The following NAV3 variants were observed in gnomAD, a reference collection of about 807,000 sequenced individuals.
NAV3 encodes the protein neuron navigator 3, also known as pore membrane and/or filament interacting like protein 1.
NAV3 carries 87 observed loss-of-function variants against 244.7 expected under a neutral mutation model. The observed-to-expected ratio is 0.36, with a 90% confidence interval of 0.30 to 0.42. The LOEUF (loss-of-function observed/expected upper bound fraction) is 0.42, where lower values mean the gene tolerates loss of function less well. Among genes scored for constraint, NAV3 ranks in the 20% least tolerant of loss-of-function variants. The pLI, the probability that NAV3 is intolerant of heterozygous loss-of-function variation, is 1.00. For synonymous variants in NAV3, 1,126 were observed against 1,042.2 expected (o/e 1.08, Z -1.55); for missense variants, 2,663 against 2,893.3 (o/e 0.92, Z 1.83).
chr12:77,919,702 T>C (rs1887517699), intron 1 of NAV3, among the ~76,000 whole-genome samples: 2 of 152,058 alleles, frequency 1.3e-5, no homozygotes, highest in African/African-American at 4.8e-5. Context: ...CAAACATCTG[T>C]TTCCTTATGA....
Position 78,058,988 on chromosome 12 carries a change from C to A in NAV3, c.2517-8C>A. ...TTTTCTGTGAATTAATTAGACATTTCTTTTCAGGTACATGACAGATGGAGG... is the reference window on the plus strand; with the variant it reads ...TTTTCTGTGAATTAATTAGACATTTATTTTCAGGTACATGACAGATGGAGG... On this transcript the variant is annotated splice_region_variant and splice_polypyrimidine_tract_variant and intron_variant, in intron 11 of 39. Transcript: ENST00000397909. 6.3e-7 allele frequency: 1 copy of A among 1,586,212 alleles called. No individual in the cohort carries two copies. Among genetic ancestry groups the A allele is most frequent in the Non-Finnish European group, 8.6e-7 (1 of 1,168,852 alleles).
At chr12:77,967,487 TTGAGTTA>T (rs1223365885) in intron 4 of NAV3, among the ~76,000 whole-genome samples, 1 of 152,126 alleles carries the variant, frequency 6.6e-6, no homozygotes, top group Non-Finnish European at 1.5e-5. Context: ...ACTGCATAGT[TTGAGTTA>T]TATGATAAAC....
intron 2 of NAV3, among the ~76,000 whole-genome samples, chr12:77,743,437 T>G (rs1225942653): frequency 6.6e-6 from 1 of 151,802 alleles, no homozygotes; most frequent in African/African-American, 2.4e-5. Flanking sequence ...CACAGCCAAT[T>G]TACTCCTTGG....
intron 11 of NAV3, among the ~76,000 whole-genome samples, chr12:78,054,741 C>T (rs1008186730): frequency 6.6e-6 from 1 of 151,972 alleles, no homozygotes; most frequent in Non-Finnish European, 1.5e-5. Flanking sequence ...ATTAAGATAC[C>T]TACATCATAA....
intron 2 of NAV3, among the ~76,000 whole-genome samples, chr12:77,716,238 T>A (rs990655597): frequency 1.3e-5 from 2 of 151,916 alleles, no homozygotes; most frequent in Non-Finnish European, 2.9e-5. Flanking sequence ...AGTTTTGGAC[T>A]TCAAGAAATC....
intron 12 of NAV3, among the ~76,000 whole-genome samples, chr12:78,099,897 C>T (rs571238547): frequency 7.2e-5 from 11 of 151,910 alleles, no homozygotes; most frequent in Admixed American, 1.3e-4. Flanking sequence ...TCACTTATTA[C>T]GTTTAACTAA....
intron 12 of NAV3, among the ~76,000 whole-genome samples, chr12:78,108,756 CAAAT>C (rs1954936547): frequency 6.6e-6 from 1 of 151,898 alleles, no homozygotes; most frequent in Admixed American, 6.6e-5. Flanking sequence ...ATTCTTGTAA[CAAAT>C]AAAGATTGAA....
At chr12:77,764,659 T>A (rs1444251586) in intron 2 of NAV3, among the ~76,000 whole-genome samples, 1 of 152,272 alleles carries the variant, frequency 6.6e-6, no homozygotes, top group Non-Finnish European at 1.5e-5. Context: ...ACAGTGTTTT[T>A]AAAGCCAATA....
rs192047967 is a variant in NAV3 at position 78,092,802 on chromosome 12, G to A, written c.2637-23970G>A. On this transcript the variant is annotated intron_variant, in intron 12 of 39. Transcript: ENST00000397909. ...GGCGTGAGCCACCGCGCCCGGCCGT[G>A]TTAATTATTTTCTAAAGTGTTTCAT... Among the ~76,000 whole-genome samples the A allele has an allele frequency of 1.6e-3, 245 of 151,764 alleles. 1 individual carries two copies. Among genetic ancestry groups the A allele is most frequent in the African/African-American group, 5.6e-3 (231 of 41,430 alleles).
chr12:77,689,704 G>A (rs1222012515), intron 2 of NAV3, among the ~76,000 whole-genome samples: 1 of 151,772 alleles, frequency 6.6e-6, no homozygotes, highest in Non-Finnish European at 1.5e-5. Context: ...TATCATAAAG[G>A]TGACATCATC....
rs546488695 is a variant in NAV3 at position 77,729,514 on chromosome 12, T to C, written c.72+157248T>C. ...TGGGAAAAGGAGGAAAAAAGTAAGG[T>C]CTATGACATTTGGAAAGTGAAATGT... is the stretch of plus-strand genomic sequence containing the variant. On this transcript the variant is annotated intron_variant, in intron 2 of 8. Coordinates refer to the NAV3 transcript ENST00000550042. 2.6e-5 allele frequency among the ~76,000 whole-genome samples: 4 copies of C among 152,018 alleles called. No homozygotes were observed. In the East Asian group the frequency reaches 7.7e-4, roughly 29 times the overall value.
At chr12:77,716,683 T>C (rs1227617820) in intron 2 of NAV3, among the ~76,000 whole-genome samples, 1 of 152,046 alleles carries the variant, frequency 6.6e-6, no homozygotes, top group Non-Finnish European at 1.5e-5. Context: ...TTCCCAATTA[T>C]TCTCTTGGAT....
intron 2 of NAV3, among the ~76,000 whole-genome samples, chr12:77,576,556 T>C (rs1869094835): frequency 6.6e-6 from 1 of 152,120 alleles, no homozygotes. Flanking sequence ...CTAGTTCTTA[T>C]TTTGCTATTT....
intron 39 of NAV3, among the ~76,000 whole-genome samples, chr12:78,209,463 T>C (rs300448): frequency 0.62 from 93,521 of 151,864 alleles, 29,524 homozygotes; most frequent in East Asian, 0.84. Flanking sequence ...CCACTACCCT[T>C]GTAAAGACAT....
At chr12:77,918,651 T>C (rs1309443824) in intron 1 of NAV3, among the ~76,000 whole-genome samples, 3 of 151,986 alleles carry the variant, frequency 2.0e-5, no homozygotes, top group Admixed American at 6.6e-5. Context: ...TGGGGGGTGA[T>C]ATGGCTCTCA....
At chr12:78,070,247 G>A (rs1430230976) in intron 12 of NAV3, among the ~76,000 whole-genome samples, 2 of 151,864 alleles carry the variant, frequency 1.3e-5, no homozygotes, top group Non-Finnish European at 2.9e-5. Flanking sequence ...CTTCACATGT[G>A]CGAATTAATT....
intron 2 of NAV3, among the ~76,000 whole-genome samples, chr12:77,588,022 C>A (rs1355190763): frequency 6.6e-6 from 1 of 152,182 alleles, no homozygotes; most frequent in African/African-American, 2.4e-5. Context: ...TAACATCTTA[C>A]AATTTCCATA....
chr12:77,691,342 TATATATATATATAC>T (rs1875015083), intron 2 of NAV3, among the ~76,000 whole-genome samples: 1 of 133,378 alleles, frequency 7.5e-6, no homozygotes, highest in Non-Finnish European at 1.6e-5. Context: ...TGTGTGTATA[TATATATATATATAC>T]ATATCCATTC....
intron 2 of NAV3, among the ~76,000 whole-genome samples, chr12:77,789,175 C>T (rs1326665926): frequency 6.6e-6 from 1 of 152,184 alleles, no homozygotes; most frequent in African/African-American, 2.4e-5. Context: ...GATCCAAAAT[C>T]CCTCCAGTAA....
Sources: gnomAD v4.1 joint callset for allele counts (sites outside exome capture counted in the v4.1 genomes callset) on GRCh38, gnomAD v4.1.1 for gene constraint, MANE v1.5 for transcripts, NCBI Gene and HGNC (gene_info 2026-07-23, HGNC 2026-07-21) for gene names.